Variants in LIN28B observed in about 807,000 individuals in gnomAD.
LIN28B encodes the protein lin-28 RNA binding posttranscriptional regulator B.
Under a neutral mutation model 21.9 loss-of-function variants are expected in LIN28B, and 5 were observed. The observed-to-expected ratio is 0.23, with a 90% confidence interval of 0.12 to 0.48. The LOEUF is 0.48. Ranked by LOEUF, LIN28B falls within the 20% of genes least tolerant of loss-of-function variation. LIN28B has a pLI of 0.98. For missense variants in LIN28B, 245 were observed against 310.5 expected (o/e 0.79, Z 1.58); for synonymous variants, 109 against 111.3 (o/e 0.98, Z 0.13).
In LIN28B at chr6:105,079,908, T is replaced by C. The variant is rs953594839; in HGVS notation, c.*1125T>C. 1.3e-5 allele frequency: 2 copies of C among 152,174 alleles called. No homozygotes were observed. Among genetic ancestry groups the C allele is most frequent in the Non-Finnish European group, 2.9e-5 (2 of 68,024 alleles). 9.4% of individuals were successfully genotyped at this position (152,174 alleles called of 1,614,324 possible). A position where few individuals can be genotyped will look rare whatever the true frequency, so the allele number is the denominator to read the frequency against. ...TTAAAATTAAGTGGATGTTCACAGT[T>C]GCCCAATATATATGACCTGCAAATG... On this transcript the variant is annotated 3_prime_UTR_variant, in exon 4 of 4. Transcript: ENST00000345080.
At chr6:104,969,453 A>G (rs1769929669) in intron 2 of LIN28B, among the ~76,000 whole-genome samples, 1 of 152,080 alleles carries the variant, frequency 6.6e-6, no homozygotes, top group Non-Finnish European at 1.5e-5. Flanking sequence ...AACAACAACA[A>G]CAACAAAAAA....
intron 2 of LIN28B, among the ~76,000 whole-genome samples, chr6:105,009,949 A>C (rs957333141): frequency 2.6e-5 from 4 of 152,098 alleles, no homozygotes; most frequent in African/African-American, 9.7e-5. Context: ...ATTTCCTCAT[A>C]TTCATCTCTC....
chr6:104,996,397 T>A (rs1770603651), intron 2 of LIN28B, among the ~76,000 whole-genome samples: 1 of 152,236 alleles, frequency 6.6e-6, no homozygotes, highest in South Asian at 2.1e-4. Flanking sequence ...GATGTTAGTG[T>A]TCTCTGAAAT....
chr6:104,961,622 G>A (rs1039590393), intron 2 of LIN28B, among the ~76,000 whole-genome samples: 2 of 152,028 alleles, frequency 1.3e-5, no homozygotes, highest in Non-Finnish European at 2.9e-5. Flanking sequence ...GGCTAGTCAC[G>A]AGCTCCTGAC....
chr6:104,945,806 T>C (rs1457847439), intron 2 of LIN28B, among the ~76,000 whole-genome samples: 1 of 152,128 alleles, frequency 6.6e-6, no homozygotes, highest in East Asian at 1.9e-4. Context: ...GAATTGTGTT[T>C]GCCAGCTGCT....
upstream of LIN28B, chr6:104,957,015 A>G: frequency 7.6e-7 from 1 of 1,314,196 alleles, no homozygotes; most frequent in Non-Finnish European, 1.0e-6. Flanking sequence ...CCCCTTAAGG[A>G]TACGAGGTGA....
chr6:105,047,360 C>G (rs1399033292), intron 3 of LIN28B, among the ~76,000 whole-genome samples: 3 of 151,892 alleles, frequency 2.0e-5, no homozygotes, highest in Non-Finnish European at 4.4e-5. Context: ...GTGCTCTGTT[C>G]TGTTCCATTG....
At chr6:104,957,958 A>G (rs1778314286) in intron 1 of LIN28B, 141 bp from the exon 2 acceptor site, 1 of 495,878 alleles carries the variant, frequency 2.0e-6, no homozygotes, top group Admixed American at 3.4e-5. Context: ...CTGTGGAGAA[A>G]AGAAATCAAA....
chr6:105,073,739 C>G (rs1772374706), intron 3 of LIN28B, among the ~76,000 whole-genome samples: 1 of 152,088 alleles, frequency 6.6e-6, no homozygotes, highest in South Asian at 2.1e-4. Context: ...GGTATCGCCC[C>G]TCTTCCCAAT....
intron 2 of LIN28B, among the ~76,000 whole-genome samples, chr6:105,009,383 T>TG (rs1318046790): frequency 6.6e-6 from 1 of 152,206 alleles, no homozygotes; most frequent in Non-Finnish European, 1.5e-5. Flanking sequence ...GTTTTAAAGA[T>TG]AGAACAGTTT....
chr6:105,014,096 C>T (rs1012639417), intron 2 of LIN28B, among the ~76,000 whole-genome samples: 3 of 152,072 alleles, frequency 2.0e-5, no homozygotes, highest in African/African-American at 7.2e-5. Flanking sequence ...GTTTCCTTTG[C>T]ACTTTCTGTA....
At chr6:104,960,776 T>C (rs1387863745) in intron 2 of LIN28B, among the ~76,000 whole-genome samples, 4 of 152,194 alleles carry the variant, frequency 2.6e-5, no homozygotes, top group South Asian at 2.1e-4. Context: ...TCAAAACATA[T>C]TCAGTTGCTT....
chr6:104,947,862 C>G (rs1582857237), intron 2 of LIN28B, among the ~76,000 whole-genome samples: 1 of 148,460 alleles, frequency 6.7e-6, no homozygotes, highest in African/African-American at 2.5e-5. Context: ...ATAATGAATA[C>G]AAAATAATGC....
intron 2 of LIN28B, among the ~76,000 whole-genome samples, chr6:104,984,309 A>G (rs1243411072): frequency 6.6e-6 from 1 of 152,236 alleles, no homozygotes; most frequent in African/African-American, 2.4e-5. Flanking sequence ...ACAGCACACA[A>G]TGTATAAATA....
At chr6:105,051,087 C>G (rs1383120504) in intron 3 of LIN28B, among the ~76,000 whole-genome samples, 1 of 150,960 alleles carries the variant, frequency 6.6e-6, no homozygotes, top group Non-Finnish European at 1.5e-5. Flanking sequence ...ATATAGGATT[C>G]ATGTAGACTA....
chr6:105,004,550 C>T (rs952841092), intron 2 of LIN28B, among the ~76,000 whole-genome samples: 1 of 152,000 alleles, frequency 6.6e-6, no homozygotes, highest in Non-Finnish European at 1.5e-5. Context: ...CTTCTTTCAC[C>T]ATTCTTCCAA....
At chr6:104,956,833 G>A (rs188018006), upstream of LIN28B, among the ~76,000 whole-genome samples, 60 of 152,194 alleles carry the variant, frequency 3.9e-4, 1 homozygote, top group Non-Finnish European at 2.8e-4. Flanking sequence ...TGATTCACAA[G>A]GTCCCTCCAT....
chr6:105,056,440 C>T (rs1438061038), intron 3 of LIN28B, among the ~76,000 whole-genome samples: 2 of 151,906 alleles, frequency 1.3e-5, no homozygotes, highest in African/African-American at 2.4e-5. Context: ...GGATGCAGTC[C>T]TAGGGTACAT....
chr6:105,069,665 G>C (rs1324099460), intron 3 of LIN28B, among the ~76,000 whole-genome samples: 1 of 150,160 alleles, frequency 6.7e-6, no homozygotes, highest in East Asian at 2.0e-4. Context: ...GTCCAGCCTG[G>C]ATAACAGAGC....
Sources: gnomAD v4.1 joint callset for allele counts (sites outside exome capture counted in the v4.1 genomes callset) on GRCh38, gnomAD v4.1.1 for gene constraint, MANE v1.5 for transcripts, NCBI Gene and HGNC (gene_info 2026-07-23, HGNC 2026-07-21) for gene names.